Variants in TMEM117 observed in about 807,000 individuals in gnomAD.
TMEM117 encodes transmembrane protein 117.
TMEM117 carries 27 observed loss-of-function variants against 52.4 expected under a neutral mutation model. The ratio of observed to expected loss-of-function variants is 0.51; its 90% CI spans 0.38 to 0.71. The LOEUF (loss-of-function observed/expected upper bound fraction) is 0.71. Ranked by LOEUF, TMEM117 falls within the 30% of genes least tolerant of loss-of-function variation. TMEM117 has a pLI of 0.00. For missense variants in TMEM117, 556 were observed against 630.5 expected (o/e 0.88, Z 1.26); for synonymous variants, 215 against 206.3 (o/e 1.04, Z -0.36).
chr12:44,018,329 G>A (rs1405543042), intron 3 of TMEM117, among the ~76,000 whole-genome samples: 1 of 152,104 alleles, frequency 6.6e-6, no homozygotes, highest in Non-Finnish European at 1.5e-5. Flanking sequence ...TTTTCTTTCA[G>A]ATGATTTGAT....
chr12:44,077,371 T>C (rs747515648), intron 3 of TMEM117, among the ~76,000 whole-genome samples: 3 of 152,228 alleles, frequency 2.0e-5, no homozygotes, highest in Non-Finnish European at 4.4e-5. Flanking sequence ...TTTCAGTTTA[T>C]AGCCTGTGTG....
chr12:44,358,892 TAAA>T (rs1466373467), intron 6 of TMEM117, among the ~76,000 whole-genome samples: 2 of 152,106 alleles, frequency 1.3e-5, no homozygotes, highest in Non-Finnish European at 2.9e-5. Flanking sequence ...CTACTTGTGC[TAAA>T]TTGTAGCTGT....
chr12:44,121,849 C>G (rs951979009), intron 3 of TMEM117, among the ~76,000 whole-genome samples: 3 of 152,016 alleles, frequency 2.0e-5, no homozygotes, highest in African/African-American at 7.2e-5. Context: ...TATCTTCATG[C>G]TCCTCCTACC....
intron 6 of TMEM117, among the ~76,000 whole-genome samples, chr12:44,348,279 A>AG (rs993202783): frequency 6.6e-6 from 1 of 151,462 alleles, no homozygotes; most frequent in African/African-American, 2.4e-5. Context: ...AAAAAAAAAA[A>AG]AGAGAGAGCT....
chr12:44,137,097 A>C (rs1421906562), intron 3 of TMEM117, among the ~76,000 whole-genome samples: 1 of 94,694 alleles, frequency 1.1e-5, no homozygotes, highest in Non-Finnish European at 2.0e-5. Flanking sequence ...TTCATTTGCC[A>C]AAAAAAAAAA....
At chr12:43,898,718 GTAGT>G (rs1021169876) in intron 2 of TMEM117, among the ~76,000 whole-genome samples, 6 of 152,086 alleles carry the variant, frequency 3.9e-5, no homozygotes, top group African/African-American at 1.4e-4. Flanking sequence ...GTACAACACA[GTAGT>G]TAGTTGTACT....
chr12:44,014,335 GGATAA>G (rs1307209919), intron 3 of TMEM117, among the ~76,000 whole-genome samples: 1 of 152,092 alleles, frequency 6.6e-6, no homozygotes, highest in Non-Finnish European at 1.5e-5. Flanking sequence ...AGGATGAGGG[GGATAA>G]GATGAGATTG....
At chr12:44,345,080 C>A (rs1476496607) in intron 6 of TMEM117, among the ~76,000 whole-genome samples, 1 of 151,826 alleles carries the variant, frequency 6.6e-6, no homozygotes, top group Non-Finnish European at 1.5e-5. Context: ...AAGCTACAGG[C>A]TGGGTTGGAC....
At chr12:43,859,216 A>G (rs1943447478) in intron 2 of TMEM117, among the ~76,000 whole-genome samples, 5 of 152,158 alleles carry the variant, frequency 3.3e-5, no homozygotes, top group Non-Finnish European at 1.5e-5. Context: ...ACTCCAGCGG[A>G]ATTCTGTTGG....
At chr12:43,985,214 G>A (rs915576868) in intron 3 of TMEM117, among the ~76,000 whole-genome samples, 8 of 152,084 alleles carry the variant, frequency 5.3e-5, no homozygotes, top group Non-Finnish European at 1.0e-4. Context: ...TGCTCACCAA[G>A]TAAAGTGTGG....
chr12:43,897,055 T>C (rs1167847826), intron 2 of TMEM117, among the ~76,000 whole-genome samples: 1 of 152,150 alleles, frequency 6.6e-6, no homozygotes, highest in African/African-American at 2.4e-5. Context: ...CTCTGTGAGA[T>C]TGCCTCTCTG....
chr12:44,360,990 T>C (rs1592718065), intron 6 of TMEM117, among the ~76,000 whole-genome samples: 1 of 152,294 alleles, frequency 6.6e-6, no homozygotes, highest in Admixed American at 6.5e-5. Flanking sequence ...GAACTGAGCA[T>C]TGAAGCAGTG....
chr12:44,374,644 G>GTA (rs1951915223), intron 6 of TMEM117, among the ~76,000 whole-genome samples: 1 of 151,684 alleles, frequency 6.6e-6, no homozygotes. Context: ...GTGTGTGTGT[G>GTA]TGTGTGTGTG....
intron 5 of TMEM117, among the ~76,000 whole-genome samples, chr12:44,214,138 A>AT (rs773352634): frequency 0.14 from 14,134 of 99,194 alleles, 1,833 homozygotes; most frequent in East Asian, 0.33. Flanking sequence ...TTTTTTTTTA[A>AT]TTTTTTTTTT....
intron 2 of TMEM117, among the ~76,000 whole-genome samples, chr12:43,905,517 A>ATATT: frequency 1.3e-5 from 2 of 152,232 alleles, no homozygotes; most frequent in South Asian, 4.1e-4. Context: ...TTATTTTTAA[A>ATATT]TATTTATTTA....
intron 3 of TMEM117, among the ~76,000 whole-genome samples, chr12:43,954,126 A>G (rs190536197): frequency 1.3e-5 from 2 of 152,374 alleles, no homozygotes; most frequent in East Asian, 3.9e-4. Context: ...GAAACAATGT[A>G]TCAGAATTTC....
chr12:43,906,663 C>T (rs987273746), intron 2 of TMEM117, among the ~76,000 whole-genome samples: 43 of 152,324 alleles, frequency 2.8e-4, no homozygotes, highest in African/African-American at 8.9e-4. Flanking sequence ...CAAAGCAGGG[C>T]AAGCCATTGC....
intron 6 of TMEM117, among the ~76,000 whole-genome samples, chr12:44,322,173 C>G (rs1301012390): frequency 6.6e-6 from 1 of 152,130 alleles, no homozygotes; most frequent in Non-Finnish European, 1.5e-5. Flanking sequence ...CCAGCTCTGT[C>G]CATGGATATC....
chr12:43,806,323 T>G, the TMEM117 span: 2 of 1,327,600 alleles, frequency 1.5e-6, no homozygotes, highest in Non-Finnish European at 1.9e-6. Context: ...AAGTGGCTGC[T>G]CCTCCGCCGG....
Sources: allele counts gnomAD v4.1 joint callset (sites outside exome capture counted in the v4.1 genomes callset), GRCh38; gene constraint gnomAD v4.1.1; transcripts MANE v1.5; gene names NCBI Gene and HGNC (gene_info 2026-07-23, HGNC 2026-07-21).